Variants in INPP4B observed in about 807,000 individuals in gnomAD.
INPP4B encodes inositol polyphosphate 4-phosphatase type II.
A neutral mutation model predicts 122.5 loss-of-function variants in INPP4B; 55 were observed. The observed-to-expected ratio is 0.45, with a 90% CI of 0.36 to 0.56. The LOEUF is 0.56. INPP4B is among the 20% of genes least tolerant of loss of function. The probability of loss-of-function intolerance (pLI) is 0.00; values close to 1 mark genes in which losing one functional copy is unlikely to be tolerated. For synonymous variants in INPP4B, 403 were observed against 388.7 expected (o/e 1.04, Z -0.43); for missense variants, 1,000 against 1,097.7 (o/e 0.91, Z 1.26).
chr4:142,592,603 A>T (rs536628892), intron 2 of INPP4B, among the ~76,000 whole-genome samples: 1 of 152,320 alleles, frequency 6.6e-6, no homozygotes, highest in Admixed American at 6.5e-5. Context: ...GAATCAGTTC[A>T]AGGTTCCTGC....
chr4:142,628,544 C>G (rs994488966), intron 2 of INPP4B, among the ~76,000 whole-genome samples: 6 of 131,074 alleles, frequency 4.6e-5, no homozygotes, highest in Non-Finnish European at 9.6e-5. Flanking sequence ...CACATGTACC[C>G]TAAAACTTAA....
intron 10 of INPP4B, among the ~76,000 whole-genome samples, chr4:142,263,969 A>C (rs1741546349): frequency 6.6e-6 from 1 of 151,996 alleles, no homozygotes; most frequent in Non-Finnish European, 1.5e-5. Context: ...TGAGCAAAAA[A>C]TAGGAGCTGG....
At chr4:142,534,718 T>G (rs1247836384) in intron 2 of INPP4B, among the ~76,000 whole-genome samples, 1 of 151,100 alleles carries the variant, frequency 6.6e-6, no homozygotes, top group Non-Finnish European at 1.5e-5. Flanking sequence ...AAAAGACTAA[T>G]GATGCAAAGT....
At chr4:142,403,199 A>T in intron 6 of INPP4B, 145 bp from the exon 7 acceptor site, 1 of 633,464 alleles carries the variant, frequency 1.6e-6, no homozygotes, top group Non-Finnish European at 2.8e-6. Flanking sequence ...TGAATTGTCA[A>T]ATCCTGCTCT....
At chr4:142,263,395 C>A (rs1303002972) in intron 10 of INPP4B, among the ~76,000 whole-genome samples, 1 of 151,880 alleles carries the variant, frequency 6.6e-6, no homozygotes, top group Non-Finnish European at 1.5e-5. Flanking sequence ...TCACTACATG[C>A]CATCTTATTT....
intron 25 of INPP4B, among the ~76,000 whole-genome samples, chr4:142,039,081 T>A (rs1174865790): frequency 6.6e-6 from 1 of 152,156 alleles, no homozygotes; most frequent in African/African-American, 2.4e-5. Context: ...GTTGTAAGAT[T>A]AGATTCAGTG....
At chr4:142,073,845 C>A (rs1768957666) in intron 25 of INPP4B, among the ~76,000 whole-genome samples, 1 of 152,050 alleles carries the variant, frequency 6.6e-6, no homozygotes, top group Non-Finnish European at 1.5e-5. Context: ...TGCATCTCAG[C>A]CTTCTTTAGT....
intron 2 of INPP4B, among the ~76,000 whole-genome samples, chr4:142,655,624 G>T (rs532123951): frequency 4.6e-5 from 7 of 152,100 alleles, no homozygotes; most frequent in Non-Finnish European, 1.0e-4. Context: ...AGACTCAAAA[G>T]CATTCTTTAA....
intron 1 of INPP4B, among the ~76,000 whole-genome samples, chr4:142,838,046 T>A (rs1223917856): frequency 6.6e-6 from 1 of 151,546 alleles, no homozygotes; most frequent in African/African-American, 2.4e-5. Context: ...TTTTTTTTTT[T>A]AAGTATTTAT....
At chr4:142,645,109 G>A (rs930048903) in intron 2 of INPP4B, among the ~76,000 whole-genome samples, 1 of 151,960 alleles carries the variant, frequency 6.6e-6, no homozygotes. Context: ...TAAATAATAA[G>A]ACTCATTTGT....
intron 25 of INPP4B, among the ~76,000 whole-genome samples, chr4:142,078,273 GATA>G (rs1393703617): frequency 6.6e-6 from 1 of 151,950 alleles, no homozygotes; most frequent in Non-Finnish European, 1.5e-5. Flanking sequence ...TTTGAATTAG[GATA>G]ATATTTGCCT....
chr4:142,830,765 G>C (rs1391121257), intron 1 of INPP4B, among the ~76,000 whole-genome samples: 1 of 149,212 alleles, frequency 6.7e-6, no homozygotes, highest in Non-Finnish European at 1.5e-5. Context: ...TGTAACCCCA[G>C]CACTTTAGGA....
intron 2 of INPP4B, among the ~76,000 whole-genome samples, chr4:142,463,943 G>T (rs190720202): frequency 2.6e-5 from 4 of 152,186 alleles, no homozygotes; most frequent in Admixed American, 2.6e-4. Flanking sequence ...TATGATAACA[G>T]ACTGATATAT....
At chr4:142,051,321 A>C (rs760810253) in intron 25 of INPP4B, among the ~76,000 whole-genome samples, 11 of 152,084 alleles carry the variant, frequency 7.2e-5, no homozygotes, top group Non-Finnish European at 1.6e-4. Flanking sequence ...GTTTTCTAAG[A>C]CAGACTTTCC....
chr4:142,309,915 T>G (rs1188659413), intron 8 of INPP4B, among the ~76,000 whole-genome samples: 1 of 152,168 alleles, frequency 6.6e-6, no homozygotes, highest in Non-Finnish European at 1.5e-5. Context: ...ACATGAATAG[T>G]GTAACCCACC....
chr4:142,181,977 C>T (rs1830978724), intron 15 of INPP4B, among the ~76,000 whole-genome samples: 1 of 151,988 alleles, frequency 6.6e-6, no homozygotes, highest in Non-Finnish European at 1.5e-5. Context: ...TTGACTAGAC[C>T]AACTACATTT....
At chr4:142,345,397 G>A (rs1241089840) in intron 7 of INPP4B, among the ~76,000 whole-genome samples, 7 of 151,924 alleles carry the variant, frequency 4.6e-5, no homozygotes, top group East Asian at 1.9e-4. Flanking sequence ...AAATACTGTC[G>A]AAAAATAAAG....
chr4:142,337,676 A>T (rs1777143813), intron 7 of INPP4B, among the ~76,000 whole-genome samples: 1 of 134,454 alleles, frequency 7.4e-6, no homozygotes. Context: ...TTTATTCATT[A>T]TATATATATT....
intron 7 of INPP4B, among the ~76,000 whole-genome samples, chr4:142,326,679 T>A (rs751291443): frequency 5.3e-5 from 8 of 152,184 alleles, no homozygotes; most frequent in Non-Finnish European, 8.8e-5. Context: ...TAGACCCGGA[T>A]GGTGATAGGC....
Sources: gnomAD v4.1 joint callset for allele counts (sites outside exome capture counted in the v4.1 genomes callset) on GRCh38, gnomAD v4.1.1 for gene constraint, MANE v1.5 for transcripts, NCBI Gene and HGNC (gene_info 2026-07-23, HGNC 2026-07-21) for gene names.